Variants in MGRN1 observed in about 807,000 individuals in gnomAD.
The protein encoded by MGRN1 is E3 ubiquitin-protein ligase MGRN1.
Under a neutral mutation model 69.2 loss-of-function variants are expected in MGRN1, and 29 were observed. That is an observed-to-expected ratio of 0.42 (90% confidence interval 0.31 to 0.57). The LOEUF (loss-of-function observed/expected upper bound fraction) is 0.57, where lower values mean the gene tolerates loss of function less well. Ranked by LOEUF, MGRN1 falls within the 20% of genes least tolerant of loss-of-function variation. The pLI, the probability that MGRN1 is intolerant of heterozygous loss-of-function variation, is 0.15. For missense variants in MGRN1, 998 were observed against 796.2 expected (o/e 1.25, Z -3.05); for synonymous variants, 470 against 344.2 (o/e 1.37, Z -4.04).
At chr16:4,658,260 G>T (rs948809445) in intron 5 of MGRN1, among the ~76,000 whole-genome samples, 2 of 151,780 alleles carry the variant, frequency 1.3e-5, no homozygotes, top group African/African-American at 2.4e-5. Flanking sequence ...GTGTGGCCGG[G>T]CGCGGTGGCT....
chr16:4,648,900 C>G (rs185487625), intron 1 of MGRN1, among the ~76,000 whole-genome samples: 2,678 of 139,196 alleles, frequency 0.019, 58 homozygotes, highest in South Asian at 0.032. Flanking sequence ...GGTCACCCGG[C>G]TCCTCCTCTC....
intron 1 of MGRN1, among the ~76,000 whole-genome samples, chr16:4,627,240 C>G (rs1454357323): frequency 6.6e-6 from 1 of 152,172 alleles, no homozygotes; most frequent in African/African-American, 2.4e-5. Flanking sequence ...ACATCTCTGT[C>G]AATTTTGTTG....
chr16:4,658,487 G>A (rs532649826), intron 5 of MGRN1, among the ~76,000 whole-genome samples: 29 of 151,660 alleles, frequency 1.9e-4, no homozygotes, highest in African/African-American at 6.8e-4. Context: ...AGTGAGCCGA[G>A]ATCACGCCAC....
At chr16:4,639,993 A>G (rs1417904262) in intron 1 of MGRN1, 2 of 152,252 alleles carry the variant, frequency 1.3e-5, no homozygotes, top group African/African-American at 2.4e-5. Flanking sequence ...CCGTCTGTGC[A>G]CTCAGATGGC....
At position 4,650,119 on chromosome 16, in the gene MGRN1, A is replaced by G. The variant is rs1451309260; in HGVS notation, c.89-246A>G. On this transcript the variant is annotated intron_variant, in intron 1 of 16. Coordinates refer to ENST00000262370, the MANE Select transcript of MGRN1 (RefSeq NM_015246.4). ...GGCATTGGAGACCATCCTGGCCAAT[A>G]TGGTGAAACCCCGTCTCCACTAAGA... 3 of 359,470 alleles carry G rather than the reference A, an allele frequency of 8.3e-6. No individual in the cohort carries two copies. In the Admixed American group the frequency reaches 1.3e-4, roughly 15 times the overall value. The allele number at this position is 359,470 out of a possible 1,614,324, so 22.3% of individuals were successfully genotyped here.
chr16:4,650,619 G>C, intron 2 of MGRN1, 136 bp downstream of exon 2: 1 of 693,558 alleles, frequency 1.4e-6, no homozygotes, highest in Non-Finnish European at 2.4e-6. Flanking sequence ...CAGGATTCCA[G>C]TTGAGCTTGG....
At chr16:4,681,923 C>G (rs746889526) in intron 13 of MGRN1, 147 bp downstream of exon 13, 3 of 837,852 alleles carry the variant, frequency 3.6e-6, no homozygotes, top group Non-Finnish European at 5.4e-6. Flanking sequence ...AGGTTAGACT[C>G]ATGGGTAAAG....
At chr16:4,664,905 G>A (rs756460694) in intron 6 of MGRN1, 130 bp downstream of exon 6, 8 of 1,324,544 alleles carry the variant, frequency 6.0e-6, no homozygotes, top group Non-Finnish European at 8.6e-6. Context: ...CACAGGGCAG[G>A]GTGTGAGCAG....
intron 8 of MGRN1, among the ~76,000 whole-genome samples, chr16:4,668,646 ACACT>A (rs1278915797): frequency 4.6e-5 from 7 of 151,872 alleles, no homozygotes; most frequent in East Asian, 3.9e-4. Flanking sequence ...ACACTCAGAC[ACACT>A]CATATACTCA....
rs907545206 is a variant in MGRN1, at chr16:4,683,078, C to A, written c.1482+132C>A. The A allele has an allele frequency of 7.4e-6, 11 of 1,489,418 alleles. No homozygotes were observed. In the African/African-American group the frequency reaches 9.8e-5, roughly 13 times the overall value. 92.3% of individuals were successfully genotyped at this position (1,489,418 alleles called of 1,614,324 possible). A position where few individuals can be genotyped will look rare whatever the true frequency, so the allele number is the denominator to read the frequency against. On this transcript the variant is annotated intron_variant, in intron 14 of 16. Transcript: ENST00000262370. ...GCTTGTTGGCTCTTGCTGAGCTGCG[C>A]GGCTCCTTAGCCTCGGTCTGTGGAG...
At chr16:4,647,376 A>G (rs1227860503) in intron 1 of MGRN1, among the ~76,000 whole-genome samples, 1 of 150,942 alleles carries the variant, frequency 6.6e-6, no homozygotes, top group Non-Finnish European at 1.5e-5. Context: ...ACCTTTAAAG[A>G]CTTTGTGTAT....
intron 16 of MGRN1, chr16:4,686,192 GT>G: frequency 6.6e-7 from 1 of 1,524,994 alleles, no homozygotes; most frequent in South Asian, 1.2e-5. Flanking sequence ...TGCCCTTGCT[GT>G]GGCTGTGCTG....
intron 1 of MGRN1, among the ~76,000 whole-genome samples, chr16:4,633,264 C>G (rs1368565392): frequency 1.3e-5 from 2 of 151,920 alleles, no homozygotes; most frequent in African/African-American, 4.8e-5. Flanking sequence ...TGGTGGGTGC[C>G]CATAATCCCA....
chr16:4,651,590 C>A (rs2078407658), intron 2 of MGRN1, among the ~76,000 whole-genome samples: 1 of 151,868 alleles, frequency 6.6e-6, no homozygotes, highest in Non-Finnish European at 1.5e-5. Flanking sequence ...GGTTGCTGAG[C>A]TGTGCTCGTA....
Position 4,667,648 on chromosome 16 carries a change from G to A in MGRN1, c.679-617G>A, listed in dbSNP as rs78805307. On this transcript the variant is annotated intron_variant, in intron 7 of 16. Transcript: ENST00000262370. The stretch of plus-strand genomic sequence containing the variant: ...TGGAAAATTCTGAGTGCTGATGGTG[G>A]TTGACTGAGAAGGGATAATGAGTGT... Among the ~76,000 whole-genome samples, 305 of 152,328 alleles carry A rather than the reference G, an allele frequency of 2.0e-3. 2 individuals are homozygous for A. Among genetic ancestry groups the A allele is most frequent in the African/African-American group, 7.0e-3 (292 of 41,572 alleles).
chr16:4,634,068 C>T (rs1011525210), intron 1 of MGRN1, among the ~76,000 whole-genome samples: 1 of 152,186 alleles, frequency 6.6e-6, no homozygotes, highest in Non-Finnish European at 1.5e-5. Flanking sequence ...ACCCTGTAGG[C>T]GTGTGGTGGG....
chr16:4,668,140 T>G, intron 7 of MGRN1, 125 bp from the exon 8 acceptor site: 1 of 644,500 alleles, frequency 1.6e-6, no homozygotes, highest in Non-Finnish European at 2.5e-6. Context: ...TTTTTTTTTC[T>G]TTTTTCTTTT....
chr16:4,665,556 A>G (rs925983173), intron 7 of MGRN1, among the ~76,000 whole-genome samples: 2 of 151,388 alleles, frequency 1.3e-5, no homozygotes, highest in African/African-American at 4.9e-5. Flanking sequence ...TTTAGTAGAA[A>G]CAGCGTTTCA....
intron 2 of MGRN1, 82 bp downstream of exon 2, chr16:4,650,565 G>A: frequency 8.9e-7 from 1 of 1,127,494 alleles, no homozygotes; most frequent in Non-Finnish European, 1.3e-6. Flanking sequence ...AGCCATGAGG[G>A]CAAGCAGGCA....
Sources: allele counts gnomAD v4.1 joint callset (sites outside exome capture counted in the v4.1 genomes callset), GRCh38; gene constraint gnomAD v4.1.1; transcripts MANE v1.5; gene names NCBI Gene and HGNC (gene_info 2026-07-23, HGNC 2026-07-21).